Variants in NEXMIF observed in about 807,000 individuals in gnomAD.
The protein encoded by NEXMIF is neurite extension and migration factor, also known as XLMR protein related to neurite extension.
A neutral mutation model predicts 62.1 loss-of-function variants in NEXMIF; 8 were observed. The observed-to-expected ratio is 0.13, with a 90% CI of 0.08 to 0.23. NEXMIF has a LOEUF of 0.23. Among genes scored for constraint, NEXMIF ranks in the 10% least tolerant of loss-of-function variants. The pLI, the probability that NEXMIF is intolerant of heterozygous loss-of-function variation, is 1.00. For missense variants in NEXMIF, 976 were observed against 1,113.3 expected (o/e 0.88, Z 1.75); for synonymous variants, 404 against 416.6 (o/e 0.97, Z 0.37).
chrX:74,871,382 G>A (rs1309784530), intron 1 of NEXMIF, among the ~76,000 whole-genome samples: 1 of 111,336 alleles, frequency 9.0e-6, no homozygotes, highest in Non-Finnish European at 1.9e-5. Flanking sequence ...TCAAAAGGCA[G>A]AGGCAAAAAT....
rs1479765732 is a variant in NEXMIF, at chrX:74,741,680, T to C, written c.2877A>G (p.Pro959=). ...LYDSMQDTQL[P]SDDSYQLCHF... ...GACATAATTGGTAAGAGTCATCAGATGGGAGTTGGGTATCTTGCATGGAGT... is the reference window on the plus strand; with the variant it reads ...GACATAATTGGTAAGAGTCATCAGACGGGAGTTGGGTATCTTGCATGGAGT... The change falls in exon 3 of 4, where the codon CCA becomes CCG. Residue 959 remains proline (P), a synonymous_variant. Coordinates refer to ENST00000055682, the MANE Select transcript of NEXMIF (RefSeq NM_001008537.3). 13 of 1,211,830 alleles carry C rather than the reference T, an allele frequency of 1.1e-5. No homozygotes were observed. Among genetic ancestry groups the C allele is most frequent in the Non-Finnish European group, 1.2e-5 (11 of 895,424 alleles).
intron 1 of NEXMIF, among the ~76,000 whole-genome samples, chrX:74,841,279 G>A (rs2080473082): frequency 9.0e-6 from 1 of 111,344 alleles, no homozygotes; most frequent in Admixed American, 9.6e-5. Flanking sequence ...CTCTCGGTCT[G>A]GCTGTTGTTG....
intron 1 of NEXMIF, among the ~76,000 whole-genome samples, chrX:74,875,940 A>T (rs1368721294): frequency 9.0e-6 from 1 of 110,880 alleles, no homozygotes; most frequent in Non-Finnish European, 1.9e-5. Flanking sequence ...CCTTTCAAAA[A>T]ACCAGCTCCT....
intron 1 of NEXMIF, among the ~76,000 whole-genome samples, chrX:74,888,479 G>C (rs192900329): frequency 7.3e-5 from 8 of 109,400 alleles, no homozygotes; most frequent in Admixed American, 2.0e-4. Context: ...ACTCATAAGT[G>C]GGAGTTGAAC....
Position 74,898,629 on chromosome X carries a change from G to C in NEXMIF, c.-48+26254C>G, listed in dbSNP as rs965216778. On this transcript the variant is annotated intron_variant, in intron 1 of 3. Transcript: ENST00000055682. ...TTGGAATATGTTAATAATAGGAGAA[G>C]ATGGTGTGGGGTATGTGGGAATTTT... Among the ~76,000 whole-genome samples, 5 of 111,890 alleles carry C rather than the reference G, an allele frequency of 4.5e-5. No homozygotes were observed. The Admixed American group carries it at 4.8e-4, about 11-fold the overall frequency.
At chrX:74,801,443 A>G (rs1436672142) in intron 1 of NEXMIF, among the ~76,000 whole-genome samples, 1 of 111,799 alleles carries the variant, frequency 8.9e-6, no homozygotes, top group Non-Finnish European at 1.9e-5. Context: ...AAGATGGTGG[A>G]TGACATTTCT....
chrX:74,858,134 C>A (rs1018687658), intron 1 of NEXMIF, among the ~76,000 whole-genome samples: 37 of 111,972 alleles, frequency 3.3e-4, no homozygotes, highest in African/African-American at 1.2e-3. Flanking sequence ...CGATTTGCCA[C>A]CTGTTGACTG....
At chrX:74,828,051 C>A (rs934570459) in intron 1 of NEXMIF, among the ~76,000 whole-genome samples, 8 of 111,687 alleles carry the variant, frequency 7.2e-5, no homozygotes, top group Non-Finnish European at 1.3e-4. Context: ...AGAAAGCAAA[C>A]TACAAAGATA....
At chrX:74,907,762 A>G (rs1020128115) in intron 1 of NEXMIF, among the ~76,000 whole-genome samples, 3 of 111,694 alleles carry the variant, frequency 2.7e-5, no homozygotes, top group African/African-American at 9.8e-5. Context: ...CTAAATGCCT[A>G]TGGTCCCTTA....
At chrX:74,855,766 TG>T (rs2080532863) in intron 1 of NEXMIF, among the ~76,000 whole-genome samples, 1 of 111,991 alleles carries the variant, frequency 8.9e-6, no homozygotes, top group Non-Finnish European at 1.9e-5. Flanking sequence ...TCACAAAGAC[TG>T]GGAGATTTAT....
chrX:74,872,924 TTTTTTTA>T (rs1048161566), intron 1 of NEXMIF, among the ~76,000 whole-genome samples: 2 of 110,604 alleles, frequency 1.8e-5, no homozygotes, highest in African/African-American at 3.3e-5. Context: ...CAATGCCTTA[TTTTTTTA>T]TTTTTTATTT....
At position 74,742,439 on chromosome X, in the gene NEXMIF, G is replaced by A. The variant is rs768992173; in HGVS notation, c.2118C>T (p.Asp706=). 8.3e-7 allele frequency: 1 copy of A among 1,210,852 alleles called. No homozygotes were observed. The highest frequency in any genetic ancestry group is 1.1e-6 in the Non-Finnish European group (1 of 895,073). Residue 706 remains aspartate, a synonymous_variant, in exon 3 of 4, where the codon GAC becomes GAT. Transcript: ENST00000055682. ...TCCTCTCTGGCCCCTTAAACTCTGT[G>A]TCTTGGGCTTTGACTTTCACTGAGT... ...GPDSVKVKAQ[D]TEFKGPERKV... is the part of the protein sequence containing the mutation.
intron 1 of NEXMIF, among the ~76,000 whole-genome samples, chrX:74,880,460 T>A (rs1226287871): frequency 9.0e-6 from 1 of 111,696 alleles, no homozygotes; most frequent in Non-Finnish European, 1.9e-5. Flanking sequence ...GGTTATAACA[T>A]TTGGTAATTC....
At position 74,796,199 on chromosome X, in the gene NEXMIF, TACATATATA is replaced by T. The variant is rs1569345182; in HGVS notation, c.-47-50511_-47-50503del. The stretch of plus-strand genomic sequence containing the variant: ...TATATATACATATATATTATATATA[TACATATATA>T]TTATATATATATACATATATAATAT... On this transcript the variant is annotated intron_variant, in intron 1 of 3. Transcript: ENST00000055682. Among the ~76,000 whole-genome samples, 78 of 66,895 alleles carry T rather than the reference TACATATATA, an allele frequency of 1.2e-3. 1 individual carries two copies. The highest frequency in any genetic ancestry group is 4.4e-3 in the African/African-American group (73 of 16,604). 58.1% of individuals were successfully genotyped at this position (66,895 alleles called of 115,157 possible).
chrX:74,877,396 C>T (rs946690964), intron 1 of NEXMIF, among the ~76,000 whole-genome samples: 18 of 111,318 alleles, frequency 1.6e-4, no homozygotes, highest in African/African-American at 5.6e-4. Flanking sequence ...TGAGAGTAAC[C>T]GACCTTTCTC....
At chrX:74,861,223 C>T (rs141967129) in intron 1 of NEXMIF, among the ~76,000 whole-genome samples, 3 of 111,188 alleles carry the variant, frequency 2.7e-5, no homozygotes, top group Non-Finnish European at 5.7e-5. Context: ...ACTGAATAGA[C>T]CAAGTAGAAG....
intron 1 of NEXMIF, among the ~76,000 whole-genome samples, chrX:74,749,449 C>T (rs184026008): frequency 9.0e-6 from 1 of 111,010 alleles, no homozygotes; most frequent in African/African-American, 3.3e-5. Context: ...CAATCCTCAC[C>T]TTCTCCAGTT....
intron 1 of NEXMIF, among the ~76,000 whole-genome samples, chrX:74,893,733 T>A (rs768305134): frequency 1.2e-4 from 13 of 111,983 alleles, no homozygotes; most frequent in African/African-American, 3.9e-4. Context: ...AATATTGGAA[T>A]CATAAGACGC....
At chrX:74,791,835 A>AT (rs1303318129) in intron 1 of NEXMIF, among the ~76,000 whole-genome samples, 1 of 110,489 alleles carries the variant, frequency 9.1e-6, no homozygotes, top group Non-Finnish European at 1.9e-5. Context: ...CCCCTTTATC[A>AT]TTTTTTATTG....
Sources: allele counts gnomAD v4.1 joint callset (sites outside exome capture counted in the v4.1 genomes callset), GRCh38; gene constraint gnomAD v4.1.1; transcripts MANE v1.5; gene names NCBI Gene and HGNC (gene_info 2026-07-23, HGNC 2026-07-21).